Variants in ARID3A observed in about 807,000 individuals in gnomAD.
ARID3A encodes the protein AT-rich interactive domain-containing protein 3A.
ARID3A carries 11 observed loss-of-function variants against 52.7 expected under a neutral mutation model. The observed-to-expected ratio is 0.21, with a 90% CI of 0.13 to 0.35. The LOEUF (loss-of-function observed/expected upper bound fraction) is 0.35, where lower values mean the gene tolerates loss of function less well. Among genes scored for constraint, ARID3A ranks in the 10% least tolerant of loss-of-function variants. The probability of loss-of-function intolerance (pLI) is 1.00; values close to 1 mark genes in which losing one functional copy is unlikely to be tolerated. For synonymous variants in ARID3A, 404 were observed against 359.4 expected (o/e 1.12, Z -1.40); for missense variants, 721 against 838.5 (o/e 0.86, Z 1.73).
chr19:971,948 C>T lies in ARID3A; in HGVS notation c.1665C>T (p.Gly555=), dbSNP rs372292194. Reference sequence around the variant, plus strand: ...CCAACAAAGGAGGCGGCGGCGGCGGCGGCAGCAGCAGCAACGCAGGCGGCC... The same window carrying T: ...CCAACAAAGGAGGCGGCGGCGGCGGTGGCAGCAGCAGCAACGCAGGCGGCC... ...SAPNKGGGGG[G]GSSSNAGGRG... The change falls in exon 9 of 9, where the codon GGC becomes GGT. Residue 555 remains glycine, a synonymous_variant. Coordinates refer to ENST00000263620, the MANE Select transcript of ARID3A (RefSeq NM_005224.3). 1.1e-5 allele frequency: 18 copies of T among 1,600,006 alleles called. No individual in the cohort carries two copies. The African/African-American group carries it at 1.8e-4, about 16-fold the overall frequency.
chr19:971,974 G>C lies in ARID3A; in HGVS notation c.1691G>C (p.Arg564Pro), dbSNP rs143689585. 1.2e-6 allele frequency: 2 copies of C among 1,602,410 alleles called. No homozygotes were observed. The highest frequency in any genetic ancestry group is 8.5e-7 in the Non-Finnish European group (1 of 1,174,824). ...GGGSSSNAGGRGGNTGTSGGQ... is the reference protein window; with the variant it reads ...GGGSSSNAGGPGGNTGTSGGQ... ...GGCAGCAGCAGCAACGCAGGCGGCC[G>C]GGGAGGAAACACCGGAACCAGCGGC... Residue 564 changes from arginine to proline, a missense_variant, in exon 9 of 9, where the codon CGG becomes CCG. Physicochemically the swap from Arg to Pro is moderately radical, Grantham distance 103. Around this residue, in one of 5 missense-constraint regions of ARID3A, gnomAD observed 297 missense variants for 343.2 expected, o/e 0.87. Coordinates refer to ENST00000263620, the MANE Select transcript of ARID3A (RefSeq NM_005224.3).
chr19:931,921 C>G (rs996648677), intron 2 of ARID3A, among the ~76,000 whole-genome samples: 1 of 151,270 alleles, frequency 6.6e-6, no homozygotes, highest in African/African-American at 2.4e-5. Flanking sequence ...GGAGAATTCT[C>G]CCTGTGGAGG....
chr19:948,568 C>T (rs991698550), intron 3 of ARID3A, among the ~76,000 whole-genome samples: 6 of 152,158 alleles, frequency 3.9e-5, no homozygotes, highest in African/African-American at 7.2e-5. Flanking sequence ...TCCTGCCCCC[C>T]GTGCCCTCCT....
chr19:933,358 A>C (rs2037373075), intron 3 of ARID3A, among the ~76,000 whole-genome samples: 1 of 152,140 alleles, frequency 6.6e-6, no homozygotes, highest in Non-Finnish European at 1.5e-5. Context: ...CTTTCCCCGC[A>C]GGCGGCCAGG....
chr19:966,456 C>G (rs1289418562), intron 6 of ARID3A, 116 bp from the exon 7 acceptor site: 14 of 770,778 alleles, frequency 1.8e-5, no homozygotes, highest in Non-Finnish European at 2.5e-5. Flanking sequence ...GAAACTCCGT[C>G]TCAAAAAAAA....
rs747900259 is a variant in ARID3A, at chr19:973,750, C to G, written c.*1685C>G. ...AGTTCTGCGGTGACTAAATCGAGGCCGAGAAGGGAGGCTGCCCCCCACCAC... is the reference window on the plus strand; with the variant it reads ...AGTTCTGCGGTGACTAAATCGAGGCGGAGAAGGGAGGCTGCCCCCCACCAC... On this transcript the variant is annotated 3_prime_UTR_variant, in exon 9 of 9. Coordinates refer to ENST00000263620, the MANE Select transcript of ARID3A (RefSeq NM_005224.3). The G allele has an allele frequency of 8.8e-6, 2 of 228,324 alleles. No individual in the cohort carries two copies. Among genetic ancestry groups the G allele is most frequent in the Non-Finnish European group, 1.7e-5 (2 of 115,054 alleles). 14.1% of individuals were successfully genotyped at this position (228,324 alleles called of 1,614,324 possible). A position where few individuals can be genotyped will look rare whatever the true frequency, so the allele number is the denominator to read the frequency against.
chr19:957,886 G>A (rs983567237), intron 3 of ARID3A, among the ~76,000 whole-genome samples: 13 of 151,646 alleles, frequency 8.6e-5, no homozygotes, highest in South Asian at 2.1e-4. Flanking sequence ...TGTGGCAGGC[G>A]GATCACTTGA....
chr19:940,019 C>G (rs1307191736), intron 3 of ARID3A, among the ~76,000 whole-genome samples: 1 of 152,096 alleles, frequency 6.6e-6, no homozygotes, highest in East Asian at 1.9e-4. Flanking sequence ...CGCTGCTGGG[C>G]TTCCCCACAT....
rs2038203805 is a variant in ARID3A at position 968,306 on chromosome 19, C to T, written c.1496-99C>T. ...CCCAGGAGGCAGAGCTTGCAGTGAG[C>T]TGAGATCGCGCCACTGCACTCCAGC... On this transcript the variant is annotated intron_variant, in intron 7 of 8. Transcript: ENST00000263620. The T allele has an allele frequency of 7.2e-6, 7 of 973,680 alleles. No individual in the cohort carries two copies. The East Asian group carries it at 2.1e-4, about 29-fold the overall frequency. The allele number at this position is 973,680 out of a possible 1,614,324, so 60.3% of individuals were successfully genotyped here.
chr19:928,030 C>A (rs2037237245), intron 1 of ARID3A, among the ~76,000 whole-genome samples: 1 of 152,044 alleles, frequency 6.6e-6, no homozygotes, highest in African/African-American at 2.4e-5. Flanking sequence ...GCAACACTGA[C>A]CTGGGTGGGG....
At chr19:945,164 G>C (rs1033165131) in intron 3 of ARID3A, among the ~76,000 whole-genome samples, 4 of 152,230 alleles carry the variant, frequency 2.6e-5, no homozygotes, top group African/African-American at 7.2e-5. Context: ...CCACCTGGGG[G>C]GAGAGAGCCT....
rs753006514 is a variant in ARID3A at position 929,676 on chromosome 19, G to A, written c.148G>A (p.Glu50Lys). 13 of 1,556,066 alleles carry A rather than the reference G, an allele frequency of 8.4e-6. No individual in the cohort carries two copies. The highest frequency in any genetic ancestry group is 1.3e-5 in the African/African-American group (1 of 74,278). Residue 50 changes from glutamate (E) to lysine (K), a missense_variant, in exon 2 of 9, where the codon GAG (glutamate) becomes AAG (lysine). By Grantham distance (56) the Glu-to-Lys change is moderately conservative. This residue lies in a region of ARID3A where 349 missense variants were observed against 297.3 expected (regional missense o/e 1.17). Transcript: ENST00000263620. The surrounding 1 kb of genome is among the most constrained non-coding windows in gnomAD (Gnocchi z 6.2). ...TGCCCCCGACGAGGACAGAGAGCCC[G>A]AGAGTGCCCGGATGCAGCGGGCTCA... ...RAAPDEDREP[E>K]SARMQRAQMA...
intron 3 of ARID3A, among the ~76,000 whole-genome samples, chr19:946,266 A>G (rs1447120978): frequency 6.7e-6 from 1 of 150,032 alleles, no homozygotes; most frequent in Non-Finnish European, 1.5e-5. Context: ...TTATTTATTT[A>G]TGTATTTATT....
intron 3 of ARID3A, among the ~76,000 whole-genome samples, chr19:934,971 A>G (rs2037408869): frequency 6.6e-6 from 1 of 152,138 alleles, no homozygotes; most frequent in Non-Finnish European, 1.5e-5. Context: ...CCGCCCGCCC[A>G]GCTGGCCAGA....
chr19:953,374 A>G (rs918365952), intron 3 of ARID3A, among the ~76,000 whole-genome samples: 1 of 147,570 alleles, frequency 6.8e-6, no homozygotes, highest in African/African-American at 2.5e-5. Context: ...CGGCGCCACC[A>G]CCCGAGCCCC....
chr19:953,459 C>A (rs890575455), intron 3 of ARID3A, among the ~76,000 whole-genome samples: 1 of 150,192 alleles, frequency 6.7e-6, no homozygotes, highest in African/African-American at 2.5e-5. Flanking sequence ...ACCTCCCACC[C>A]CCCCAGGCCT....
In ARID3A at chr19:941,483, CTG is replaced by C. The variant is rs1254246917; in HGVS notation, c.693+8746_693+8747del. Among the ~76,000 whole-genome samples the C allele has an allele frequency of 6.6e-6, 1 of 152,210 alleles. No homozygotes were observed. The highest frequency in any genetic ancestry group is 2.4e-5 in the African/African-American group (1 of 41,448). On this transcript the variant is annotated intron_variant, in intron 3 of 8. Coordinates refer to ENST00000263620, the MANE Select transcript of ARID3A (RefSeq NM_005224.3). This position sits in a 1 kb window ranked among gnomAD's most constrained non-coding sequence, Gnocchi z 6.9. The stretch of plus-strand genomic sequence containing the variant: ...AGCACCACGGTGTTCGTTTAGGTCT[CTG>C]TGTGCCGAGTGACGTGGCAAACTTC...
In ARID3A at chr19:965,044, G is replaced by C; in HGVS notation, c.1162G>C (p.Gly388Arg). 1 of 1,612,488 alleles carries C rather than the reference G, an allele frequency of 6.2e-7. No homozygotes were observed. Among genetic ancestry groups the C allele is most frequent in the South Asian group, 1.1e-5 (1 of 90,990 alleles). ...CCTGGGCCTGGCCGCAAGCACCAAT[G>C]GCAGCTCCATCACCCCCGCCCCTAA... ...SSLGLAASTNGSSITPAPKIK... is the reference protein window; with the variant it reads ...SSLGLAASTNRSSITPAPKIK... The change falls in exon 6 of 9, where the codon GGC becomes CGC. Residue 388 changes from glycine (G) to arginine (R), a missense_variant. Coordinates refer to ENST00000263620, the MANE Select transcript of ARID3A (RefSeq NM_005224.3).
intron 3 of ARID3A, among the ~76,000 whole-genome samples, chr19:953,374 A>AC (rs1384357145): frequency 6.8e-6 from 1 of 147,570 alleles, no homozygotes; most frequent in African/African-American, 2.5e-5. Flanking sequence ...CGGCGCCACC[A>AC]CCCGAGCCCC....
Sources: gnomAD v4.1 joint callset for allele counts (sites outside exome capture counted in the v4.1 genomes callset) on GRCh38, gnomAD v4.1.1 for gene constraint, gnomAD v4.1.1 regional missense constraint, Gnocchi (gnomAD v3.1) non-coding constraint, MANE v1.5 for transcripts, NCBI Gene and HGNC (gene_info 2026-07-23, HGNC 2026-07-21) for gene names.